The following BET1 variants were observed in gnomAD, a reference collection of about 807,000 sequenced individuals.
The protein encoded by BET1 is BET1 homolog.
BET1 carries 9 observed loss-of-function variants against 13.9 expected under a neutral mutation model. The observed-to-expected ratio is 0.65, with a 90% CI of 0.39 to 1.13. The LOEUF (loss-of-function observed/expected upper bound fraction) is 1.13, where lower values mean the gene tolerates loss of function less well. Ranked by LOEUF, BET1 falls within the 50% of genes most tolerant of loss-of-function variation. The probability of loss-of-function intolerance (pLI) is 0.01; values close to 1 mark genes in which losing one functional copy is unlikely to be tolerated. For synonymous variants in BET1, 39 were observed against 47.3 expected, an observed-to-expected ratio of 0.82 and a Z score of 0.72; for missense variants, 127 against 133.6, an observed-to-expected ratio of 0.95 and a Z score of 0.24.
At chr7:93,988,248 T>C (rs1217493334), downstream of BET1, among the ~76,000 whole-genome samples, 2 of 152,238 alleles carry the variant, frequency 1.3e-5, no homozygotes, top group Admixed American at 1.3e-4. Flanking sequence ...ACACCAAATA[T>C]GTCTTTCCTA....
intron 1 of BET1, 28 bp downstream of exon 1, chr7:94,004,170 G>A (rs1795975839): frequency 6.2e-7 from 1 of 1,613,888 alleles, no homozygotes; most frequent in Non-Finnish European, 8.5e-7. Context: ...CTAGGGCCCC[G>A]AACTTCGAAC....
At chr7:93,991,131 C>T (rs1249080169), downstream of BET1, among the ~76,000 whole-genome samples, 1 of 152,068 alleles carries the variant, frequency 6.6e-6, no homozygotes, top group Non-Finnish European at 1.5e-5. Context: ...GCCAGAGTAA[C>T]AATAACCACA....
chr7:93,980,849 C>T (rs1050826914), intron 4 of BET1, among the ~76,000 whole-genome samples: 2 of 152,140 alleles, frequency 1.3e-5, no homozygotes, highest in African/African-American at 4.8e-5. Flanking sequence ...ATGATGTGAT[C>T]TTATATATGT....
At chr7:93,978,166 C>G (rs1312785255) in intron 4 of BET1, among the ~76,000 whole-genome samples, 1 of 151,902 alleles carries the variant, frequency 6.6e-6, no homozygotes, top group African/African-American at 2.4e-5. Context: ...ACCTCTGAGG[C>G]TAAATGATCC....
downstream of BET1, chr7:93,992,020 T>C (rs1451427521): frequency 6.1e-6 from 6 of 985,276 alleles, no homozygotes; most frequent in Non-Finnish European, 7.2e-6. Flanking sequence ...GCTTAAAATG[T>C]TGCATATTTG....
At chr7:93,996,001 T>C (rs1795762576) in intron 3 of BET1, 1 of 489,398 alleles carries the variant, frequency 2.0e-6, no homozygotes, top group Non-Finnish European at 3.5e-6. Flanking sequence ...AATAGTCATT[T>C]GTCTTGTTTT....
rs1795692974 is a variant in BET1, at chr7:93,993,826, T to G, written c.*404A>C. 1 of 1,530,636 alleles carries G rather than the reference T, an allele frequency of 6.5e-7. No homozygotes were observed. The highest frequency in any genetic ancestry group is 8.7e-7 in the Non-Finnish European group (1 of 1,145,208). The allele number at this position is 1,530,636 out of a possible 1,614,324, so 94.8% of individuals were successfully genotyped here. The stretch of plus-strand genomic sequence containing the variant: ...ATTCAATTACCATTTTACCACAAAC[T>G]GGCTGACTACTTCAAGAGCTCAGAG... On this transcript the variant is annotated 3_prime_UTR_variant, in exon 4 of 4. Coordinates refer to ENST00000222547, the MANE Select transcript of BET1 (RefSeq NM_005868.6).
chr7:94,003,245 T>TA (rs552171126), intron 1 of BET1, among the ~76,000 whole-genome samples: 288 of 151,630 alleles, frequency 1.9e-3, no homozygotes, highest in African/African-American at 6.5e-3. Flanking sequence ...AAAACTTCAT[T>TA]AAAAAAACAA....
intron 4 of BET1, among the ~76,000 whole-genome samples, chr7:93,986,265 A>G (rs984053667): frequency 6.6e-6 from 1 of 152,192 alleles, no homozygotes; most frequent in African/African-American, 2.4e-5. Flanking sequence ...TCAAAATTCT[A>G]TAATCCAGGG....
exon 7 of BET1, chr7:93,963,015 T>C (rs1022167523): frequency 5.9e-5 from 9 of 152,146 alleles, no homozygotes; most frequent in African/African-American, 2.2e-4. Flanking sequence ...TTGTTTTGTA[T>C]CAACAATAGT....
At chr7:93,973,167 T>C (rs1309189649) in intron 5 of BET1, among the ~76,000 whole-genome samples, 1 of 151,928 alleles carries the variant, frequency 6.6e-6, no homozygotes, top group Non-Finnish European at 1.5e-5. Context: ...CTGGGTTGCA[T>C]TCAGTCATGG....
At chr7:94,003,150 A>G (rs1795948043) in intron 1 of BET1, among the ~76,000 whole-genome samples, 1 of 152,210 alleles carries the variant, frequency 6.6e-6, no homozygotes, top group Non-Finnish European at 1.5e-5. Context: ...ATTTAGACAT[A>G]TAAAGCTAAA....
Position 93,993,357 on chromosome 7 carries a change from C to T in BET1, c.*873G>A. ...TTAATATTTTTTACTCAACAGTCTG[C>T]CTTTGTGTTTTTCTTTCCATAAACA... On this transcript the variant is annotated 3_prime_UTR_variant, in exon 4 of 4. Coordinates refer to ENST00000222547, the MANE Select transcript of BET1 (RefSeq NM_005868.6). 1.0e-6 allele frequency: 1 copy of T among 956,506 alleles called. No individual in the cohort carries two copies. The highest frequency in any genetic ancestry group is 1.2e-6 in the Non-Finnish European group (1 of 803,450). 59.3% of individuals were successfully genotyped at this position (956,506 alleles called of 1,614,324 possible).
intron 4 of BET1, among the ~76,000 whole-genome samples, chr7:93,977,943 C>G (rs1428632676): frequency 6.6e-6 from 1 of 152,102 alleles, no homozygotes; most frequent in Non-Finnish European, 1.5e-5. Flanking sequence ...ACCTTCAATT[C>G]CCCTACGTGT....
Position 93,996,325 on chromosome 7 carries a change from TA to T in BET1, c.145-5del. 1 of 1,564,616 alleles carries T rather than the reference TA, an allele frequency of 6.4e-7. No homozygotes were observed. The highest frequency in any genetic ancestry group is 8.7e-7 in the Non-Finnish European group (1 of 1,150,972). The stretch of plus-strand genomic sequence containing the variant: ...CATGGCCTATTTCAATGGAAAGCTA[TA>T]AAGAAGAAGGTATACACAGGATTAC... On this transcript the variant is annotated splice_region_variant and splice_polypyrimidine_tract_variant and intron_variant, in intron 2 of 3. Coordinates refer to ENST00000222547, the MANE Select transcript of BET1 (RefSeq NM_005868.6).
chr7:93,964,283 C>T (rs1253953995), exon 7 of BET1: 1 of 151,920 alleles, frequency 6.6e-6, no homozygotes, highest in Non-Finnish European at 1.5e-5. Flanking sequence ...TCCCTTCCCC[C>T]TTCTACAGTG....
chr7:93,983,238 A>G (rs1324086007), intron 4 of BET1, among the ~76,000 whole-genome samples: 1 of 152,146 alleles, frequency 6.6e-6, no homozygotes, highest in East Asian at 1.9e-4. Context: ...ATTCTTCCCA[A>G]TTCTAGTTGG....
At chr7:93,975,315 T>C (rs962728313) in intron 5 of BET1, among the ~76,000 whole-genome samples, 1 of 152,124 alleles carries the variant, frequency 6.6e-6, no homozygotes, top group Non-Finnish European at 1.5e-5. Context: ...AACTTTTCTG[T>C]AAGTAATGTT....
intron 4 of BET1, among the ~76,000 whole-genome samples, chr7:93,976,713 A>G (rs895987916): frequency 2.0e-5 from 3 of 151,948 alleles, no homozygotes; most frequent in Admixed American, 6.6e-5. Context: ...CGGAGAATAG[A>G]TGGTGTTTGG....
Sources: allele counts gnomAD v4.1 joint callset (sites outside exome capture counted in the v4.1 genomes callset), GRCh38; gene constraint gnomAD v4.1.1; transcripts MANE v1.5; gene names NCBI Gene and HGNC (gene_info 2026-07-23, HGNC 2026-07-21).